The following CDC123 variants were observed in gnomAD, a reference collection of about 807,000 sequenced individuals.
CDC123 encodes the protein cell division cycle 123.
CDC123 carries 37 observed loss-of-function variants against 54.4 expected under a neutral mutation model. That is an observed-to-expected ratio of 0.68 (90% CI 0.52 to 0.89). The LOEUF is 0.89. Among genes scored for constraint, CDC123 ranks in the 40% least tolerant of loss-of-function variants. The probability of loss-of-function intolerance (pLI) is 0.00; values close to 1 mark genes in which losing one functional copy is unlikely to be tolerated. For missense variants in CDC123, 361 were observed against 412.1 expected (o/e 0.88, Z 1.07); for synonymous variants, 144 against 136.8 (o/e 1.05, Z -0.37).
intron 6 of CDC123, among the ~76,000 whole-genome samples, chr10:12,223,736 TA>T (rs373564622): frequency 6.6e-6 from 1 of 152,050 alleles, no homozygotes; most frequent in African/African-American, 2.4e-5. Context: ...AGTAATAAAA[TA>T]AAAAAATGTG....
At chr10:12,207,445 CCT>C (rs1227144485) in intron 2 of CDC123, among the ~76,000 whole-genome samples, 7 of 151,922 alleles carry the variant, frequency 4.6e-5, no homozygotes, top group African/African-American at 1.7e-4. Flanking sequence ...CTTCCATGTC[CCT>C]TTTTTCTCTC....
intron 2 of CDC123, among the ~76,000 whole-genome samples, chr10:12,199,191 C>T (rs186913730): frequency 1.2e-4 from 19 of 152,224 alleles, no homozygotes; most frequent in Admixed American, 4.6e-4. Flanking sequence ...GTGGCCCCCC[C>T]TCCACTTTCT....
chr10:12,227,168 A>G (rs1046512982), intron 6 of CDC123, among the ~76,000 whole-genome samples: 2 of 152,020 alleles, frequency 1.3e-5, no homozygotes, highest in Non-Finnish European at 2.9e-5. Flanking sequence ...AAGCAGGAGA[A>G]TCAGGCAGGG....
rs564944253 is a variant in CDC123 at position 12,249,689 on chromosome 10, G to A, written c.955G>A (p.Ala319Thr). 13 of 1,613,520 alleles carry A rather than the reference G, an allele frequency of 8.1e-6. No individual in the cohort carries two copies. The highest frequency in any genetic ancestry group is 5.3e-5 in the African/African-American group (4 of 74,972). The change falls in exon 12 of 13, where the codon GCT becomes ACT. Residue 319 changes from alanine to threonine, a missense_variant. Coordinates refer to ENST00000281141, the MANE Select transcript of CDC123 (RefSeq NM_006023.3). ...TGTAGACCTCTCTACTGGGGAGGAC[G>A]CTCACAAGCTAATAGACTTCCTTAA... is the stretch of plus-strand genomic sequence containing the variant. ...DFVDLSTGEDAHKLIDFLKLK... is the reference protein window; with the variant it reads ...DFVDLSTGEDTHKLIDFLKLK...
chr10:12,228,702 C>G (rs539635557), intron 6 of CDC123, among the ~76,000 whole-genome samples: 1 of 152,250 alleles, frequency 6.6e-6, no homozygotes, highest in South Asian at 2.1e-4. Flanking sequence ...TCCCATGTAG[C>G]TGGGATTACA....
chr10:12,223,929 T>C (rs980091984), intron 6 of CDC123, among the ~76,000 whole-genome samples: 1 of 152,154 alleles, frequency 6.6e-6, no homozygotes, highest in Non-Finnish European at 1.5e-5. Context: ...GTACATTCTT[T>C]AGTGGTGATT....
At chr10:12,225,622 A>G (rs1298387425) in intron 6 of CDC123, among the ~76,000 whole-genome samples, 4 of 152,076 alleles carry the variant, frequency 2.6e-5, no homozygotes, top group South Asian at 2.1e-4. Context: ...CAAGTTGTCT[A>G]CAGATTTGAT....
chr10:12,235,387 C>T (rs1048222512), intron 8 of CDC123, among the ~76,000 whole-genome samples: 4 of 152,170 alleles, frequency 2.6e-5, no homozygotes, highest in Non-Finnish European at 4.4e-5. Flanking sequence ...GTGGTTGTCA[C>T]TGTTCCTGAT....
At chr10:12,231,168 A>G (rs1370172718) in intron 7 of CDC123, among the ~76,000 whole-genome samples, 172 bp downstream of exon 7, 1 of 152,222 alleles carries the variant, frequency 6.6e-6, no homozygotes, top group Non-Finnish European at 1.5e-5. Flanking sequence ...TATATTATAT[A>G]TAGAGTGTAT....
chr10:12,247,742 T>C (rs1836174909), intron 11 of CDC123: 1 of 152,228 alleles, frequency 6.6e-6, no homozygotes, highest in African/African-American at 2.4e-5. Flanking sequence ...TAGTGCTGTT[T>C]TCTGCCCATA....
At chr10:12,198,077 TC>T (rs2131727786) in intron 1 of CDC123, among the ~76,000 whole-genome samples, 1 of 152,318 alleles carries the variant, frequency 6.6e-6, no homozygotes, top group Non-Finnish European at 1.5e-5. Context: ...AAACAAATTA[TC>T]CCATAAGTTT....
chr10:12,231,625 CA>C (rs368800002), intron 7 of CDC123, among the ~76,000 whole-genome samples: 1,295 of 77,270 alleles, frequency 0.017, 3 homozygotes, highest in East Asian at 0.045. Context: ...AACTCCGTCT[CA>C]AAAAAAAAAA....
At chr10:12,250,089 G>T (rs900685424) in intron 12 of CDC123, 55 of 483,196 alleles carry the variant, frequency 1.1e-4, no homozygotes, top group Admixed American at 7.8e-4. Context: ...TTCTGTGTAG[G>T]AGTTTTTGTA....
In CDC123 at chr10:12,225,746, CTTTTTTTTTTTT is replaced by C. The variant is rs60404885; in HGVS notation, c.441-5186_441-5175del. On this transcript the variant is annotated intron_variant, in intron 6 of 12. Coordinates refer to ENST00000281141, the MANE Select transcript of CDC123 (RefSeq NM_006023.3). ...TCTCTTTTTTTTTTCTAGCTTCTCT[CTTTTTTTTTTTT>C]TTTTTTTTTTTTTTTAGTATTTATT... Among the ~76,000 whole-genome samples, 10 of 66,928 alleles carry C rather than the reference CTTTTTTTTTTTT, an allele frequency of 1.5e-4. No individual in the cohort carries two copies. The East Asian group carries it at 3.6e-3, about 24-fold the overall frequency. The allele number at this position is 66,928 out of a possible 152,430, so 43.9% of individuals were successfully genotyped here. A position where few individuals can be genotyped will look rare whatever the true frequency, so the allele number is the denominator to read the frequency against.
intron 6 of CDC123, among the ~76,000 whole-genome samples, chr10:12,227,468 T>C (rs1201847710): frequency 6.6e-6 from 1 of 152,126 alleles, no homozygotes; most frequent in African/African-American, 2.4e-5. Flanking sequence ...GGCTCTATAC[T>C]GGATATGTGT....
At chr10:12,224,816 C>T (rs933099596) in intron 6 of CDC123, among the ~76,000 whole-genome samples, 6 of 151,996 alleles carry the variant, frequency 3.9e-5, no homozygotes, top group East Asian at 3.8e-4. Context: ...TTTCTTGAGA[C>T]GGAGCCTTTT....
chr10:12,224,141 A>G (rs1488779734), intron 6 of CDC123, among the ~76,000 whole-genome samples: 1 of 150,476 alleles, frequency 6.6e-6, no homozygotes, highest in Non-Finnish European at 1.5e-5. Context: ...GCGTTACTTC[A>G]CTTGGAATAA....
At chr10:12,242,531 C>G (rs1315728371) in intron 10 of CDC123, among the ~76,000 whole-genome samples, 1 of 152,146 alleles carries the variant, frequency 6.6e-6, no homozygotes, top group Admixed American at 6.5e-5. Flanking sequence ...AGAGCTTGAT[C>G]GGGGCAGGGA....
At chr10:12,210,049 T>G (rs1200265831) in intron 3 of CDC123, 25 bp downstream of exon 3, 1 of 1,607,716 alleles carries the variant, frequency 6.2e-7, no homozygotes, top group South Asian at 1.1e-5. Flanking sequence ...AAATAATCTG[T>G]TCTGTAGACT....
Sources: allele counts gnomAD v4.1 joint callset (sites outside exome capture counted in the v4.1 genomes callset), GRCh38; gene constraint gnomAD v4.1.1; transcripts MANE v1.5; gene names NCBI Gene and HGNC (gene_info 2026-07-23, HGNC 2026-07-21).